Variants in PTPRD observed in about 807,000 individuals in gnomAD.
PTPRD encodes receptor-type tyrosine-protein phosphatase delta.
A neutral mutation model predicts 214.5 loss-of-function variants in PTPRD; 34 were observed. The ratio of observed to expected loss-of-function variants is 0.16; its 90% CI spans 0.12 to 0.21. The LOEUF is 0.21. Among genes scored for constraint, PTPRD ranks in the 10% least tolerant of loss-of-function variants. The pLI, the probability that PTPRD is intolerant of heterozygous loss-of-function variation, is 1.00. For missense variants in PTPRD, 2,545 were observed against 2,398.7 expected (o/e 1.06, Z -1.27); for synonymous variants, 1,128 against 845.7 (o/e 1.33, Z -5.79).
chr9:9,848,508 G>C (rs984128384), intron 5 of PTPRD, among the ~76,000 whole-genome samples: 2 of 152,134 alleles, frequency 1.3e-5, no homozygotes, highest in East Asian at 1.9e-4. Flanking sequence ...AACTCAAAAG[G>C]AAAGTGATGA....
chr9:9,600,223 G>A (rs997472182), intron 7 of PTPRD, among the ~76,000 whole-genome samples: 3 of 152,076 alleles, frequency 2.0e-5, no homozygotes, highest in Admixed American at 6.6e-5. Context: ...TATTTGCCAG[G>A]ATAATAGTGA....
chr9:9,287,294 A>G (rs1949802020), intron 9 of PTPRD, among the ~76,000 whole-genome samples: 1 of 151,794 alleles, frequency 6.6e-6, no homozygotes, highest in Admixed American at 6.6e-5. Context: ...GCCCCATTTA[A>G]AAATGACCCA....
At chr9:8,816,490 G>T (rs1051433154) in intron 11 of PTPRD, among the ~76,000 whole-genome samples, 1 of 152,116 alleles carries the variant, frequency 6.6e-6, no homozygotes, top group African/African-American at 2.4e-5. Flanking sequence ...TATCGTTACA[G>T]GGCACAAAAC....
intron 4 of PTPRD, among the ~76,000 whole-genome samples, chr9:9,953,125 C>A (rs536802642): frequency 6.6e-6 from 1 of 152,120 alleles, no homozygotes; most frequent in East Asian, 1.9e-4. Flanking sequence ...TTTGTTCATA[C>A]AGAACCAAAA....
intron 2 of PTPRD, among the ~76,000 whole-genome samples, chr9:10,353,115 C>A (rs745802275): frequency 6.6e-6 from 1 of 151,888 alleles, no homozygotes; most frequent in South Asian, 2.1e-4. Context: ...TACCTGAATT[C>A]AAAATAGAAT....
intron 7 of PTPRD, among the ~76,000 whole-genome samples, chr9:9,614,600 T>G (rs2094737528): frequency 6.6e-6 from 1 of 152,196 alleles, no homozygotes; most frequent in African/African-American, 2.4e-5. Context: ...AAACTGGAGT[T>G]TTGATTCAAT....
intron 9 of PTPRD, among the ~76,000 whole-genome samples, chr9:9,225,937 C>T (rs547948101): frequency 3.3e-5 from 5 of 151,992 alleles, no homozygotes; most frequent in Non-Finnish European, 7.4e-5. Context: ...CAAGCCCAGA[C>T]AGCAGCAGGA....
chr9:8,652,093 C>G (rs1286045702), intron 12 of PTPRD, among the ~76,000 whole-genome samples: 2 of 152,106 alleles, frequency 1.3e-5, no homozygotes, highest in Admixed American at 1.3e-4. Flanking sequence ...CTAACTTTTT[C>G]CCCTGTCCTC....
At chr9:8,588,697 G>A (rs573319278) in intron 14 of PTPRD, among the ~76,000 whole-genome samples, 4 of 152,156 alleles carry the variant, frequency 2.6e-5, no homozygotes, top group African/African-American at 7.2e-5. Flanking sequence ...TATAATACAA[G>A]ATAATACATG....
chr9:10,124,548 A>C (rs1354598448), intron 3 of PTPRD, among the ~76,000 whole-genome samples: 1 of 152,204 alleles, frequency 6.6e-6, no homozygotes, highest in Non-Finnish European at 1.5e-5. Context: ...CATAGTTCTT[A>C]GGTCTTAGCC....
intron 11 of PTPRD, among the ~76,000 whole-genome samples, chr9:8,900,967 G>C (rs1051027968): frequency 2.0e-5 from 3 of 152,080 alleles, no homozygotes; most frequent in Non-Finnish European, 2.9e-5. Flanking sequence ...GCTGACCTAA[G>C]TACAGGTAAG....
rs144810974 is a variant in PTPRD, at chr9:10,028,366, C to T, written c.-472+5352G>A. On this transcript the variant is annotated intron_variant, in intron 4 of 45. Transcript: ENST00000381196. ...GTAAATTGGTACCAGTAGAGTGGAG[C>T]GCTGCTGAAAAGATACCCAAAAATG... 3.6e-3 allele frequency among the ~76,000 whole-genome samples: 542 copies of T among 152,160 alleles called. 1 individual carries two copies. The highest frequency in any genetic ancestry group is 0.012 in the African/African-American group (500 of 41,536).
At chr9:9,639,220 G>C (rs548815552) in intron 7 of PTPRD, among the ~76,000 whole-genome samples, 3 of 152,108 alleles carry the variant, frequency 2.0e-5, no homozygotes, top group African/African-American at 7.2e-5. Flanking sequence ...CTCAGTCTTA[G>C]ATCCTAAGCT....
chr9:8,454,480 T>A, intron 33 of PTPRD: 4 of 1,275,044 alleles, frequency 3.1e-6, no homozygotes, highest in Non-Finnish European at 4.5e-6. Flanking sequence ...GGTATTATCT[T>A]TTGTGTGCAG....
intron 8 of PTPRD, among the ~76,000 whole-genome samples, chr9:9,546,050 T>C (rs2078723981): frequency 6.6e-6 from 1 of 151,832 alleles, no homozygotes; most frequent in East Asian, 1.9e-4. Context: ...GTAGCCAATA[T>C]ACATGGTATT....
chr9:8,912,451 G>A (rs549984969), intron 11 of PTPRD, among the ~76,000 whole-genome samples: 1 of 152,184 alleles, frequency 6.6e-6, no homozygotes, highest in Non-Finnish European at 1.5e-5. Context: ...TTTACAGAAA[G>A]GACAAACCTA....
chr9:9,392,515 T>A (rs529118621), intron 9 of PTPRD, among the ~76,000 whole-genome samples: 1 of 152,276 alleles, frequency 6.6e-6, no homozygotes, highest in Admixed American at 6.5e-5. Context: ...TGCCTGCAGA[T>A]GTGTCCTTGC....
chr9:9,413,300 G>A (rs927971105), intron 8 of PTPRD, among the ~76,000 whole-genome samples: 3 of 148,506 alleles, frequency 2.0e-5, no homozygotes, highest in South Asian at 4.3e-4. Context: ...ATTTTTAGTA[G>A]AGACGGGGTT....
Position 9,917,100 on chromosome 9 carries a change from C to CAA in PTPRD, c.-368+21405_-368+21406dup, listed in dbSNP as rs144853561. ...AGTATATATCAATAAATGTCTACAT[C>CAA]AAAAAAAACTAGAAAAATTGTAAAT... is the stretch of plus-strand genomic sequence containing the variant. On this transcript the variant is annotated intron_variant, in intron 5 of 45. Coordinates refer to ENST00000381196, the MANE Select transcript of PTPRD (RefSeq NM_002839.4). 1.0e-4 allele frequency among the ~76,000 whole-genome samples: 15 copies of CAA among 148,736 alleles called. No individual in the cohort carries two copies. The South Asian group carries it at 1.5e-3, about 15-fold the overall frequency.
Sources: gnomAD v4.1 joint callset for allele counts (sites outside exome capture counted in the v4.1 genomes callset) on GRCh38, gnomAD v4.1.1 for gene constraint, MANE v1.5 for transcripts, NCBI Gene and HGNC (gene_info 2026-07-23, HGNC 2026-07-21) for gene names.